Variants in SLC5A3 observed in about 807,000 individuals in gnomAD.
SLC5A3 encodes the protein solute carrier family 5 member 3.
A neutral mutation model predicts 43.2 loss-of-function variants in SLC5A3; 10 were observed. The observed-to-expected ratio is 0.23, with a 90% CI of 0.14 to 0.39. The LOEUF (loss-of-function observed/expected upper bound fraction) is 0.39. Ranked by LOEUF, SLC5A3 falls within the 10% of genes least tolerant of loss-of-function variation. The probability of loss-of-function intolerance (pLI) is 1.00; values close to 1 mark genes in which losing one functional copy is unlikely to be tolerated. For synonymous variants in SLC5A3, 349 were observed against 322.0 expected, an observed-to-expected ratio of 1.08 and a Z score of -0.90; for missense variants, 608 against 893.4, an observed-to-expected ratio of 0.68 and a Z score of 4.07.
At chr21:34,083,258 C>T (rs1281175171) in intron 1 of SLC5A3, among the ~76,000 whole-genome samples, 1 of 152,194 alleles carries the variant, frequency 6.6e-6, no homozygotes, top group African/African-American at 2.4e-5. Flanking sequence ...TGCATTTCAG[C>T]TGCTGGGAAG....
rs570018642 is a variant in SLC5A3 at position 34,100,826 on chromosome 21, C to T, written c.*3471C>T. The T allele has an allele frequency of 9.7e-5, 97 of 1,000,034 alleles. No homozygotes were observed. Among genetic ancestry groups the T allele is most frequent in the Non-Finnish European group, 8.9e-5 (74 of 829,954 alleles). The allele number at this position is 1,000,034 out of a possible 1,614,324, so 61.9% of individuals were successfully genotyped here. ...TGACTTTGAATATCATTTGGTGTGG[C>T]CTGTGGGTTATTTTCATTCTTTACC... On this transcript the variant is annotated 3_prime_UTR_variant, in exon 2 of 2. Coordinates refer to ENST00000381151, the MANE Select transcript of SLC5A3 (RefSeq NM_006933.7).
intron 1 of SLC5A3, among the ~76,000 whole-genome samples, chr21:34,082,329 T>C (rs1989477572): frequency 6.6e-6 from 1 of 152,190 alleles, no homozygotes; most frequent in Non-Finnish European, 1.5e-5. Context: ...TATGTGCATT[T>C]AGGCTAAAAT....
rs1434190201 is a variant in SLC5A3 at position 34,073,633 on chromosome 21, C to G, written c.-449C>G. The G allele has an allele frequency of 2.3e-5, 32 of 1,400,836 alleles. No homozygotes were observed. The highest frequency in any genetic ancestry group is 2.9e-5 in the Non-Finnish European group (30 of 1,026,662). 86.8% of individuals were successfully genotyped at this position (1,400,836 alleles called of 1,614,324 possible). A position where few individuals can be genotyped will look rare whatever the true frequency, so the allele number is the denominator to read the frequency against. On this transcript the variant is annotated 5_prime_UTR_variant, in exon 1 of 2. Transcript: ENST00000381151. ...GCAGTTTCTAGGTCCCCACTGTCCC[C>G]GCCGTCCCGCCCCTTCGCGTCCCGG...
rs1979241514 is a variant in SLC5A3, at chr21:34,101,622, A to G, written c.*4267A>G. The stretch of plus-strand genomic sequence containing the variant: ...CACCTAGTCTTTTCAGCACTTAGCA[A>G]ATTCAAATTTTGATTTTTTTGTCAG... On this transcript the variant is annotated 3_prime_UTR_variant, in exon 2 of 2. Coordinates refer to ENST00000381151, the MANE Select transcript of SLC5A3 (RefSeq NM_006933.7). The G allele has an allele frequency of 1.0e-6, 1 of 1,000,070 alleles. No individual in the cohort carries two copies. The highest frequency in any genetic ancestry group is 1.7e-5 in the African/African-American group (1 of 57,236). 61.9% of individuals were successfully genotyped at this position (1,000,070 alleles called of 1,614,324 possible).
Position 34,106,198 on chromosome 21 carries a change from T to C in SLC5A3, c.*8843T>C, listed in dbSNP as rs1325480699. On this transcript the variant is annotated 3_prime_UTR_variant, in exon 2 of 2. Transcript: ENST00000381151. ...GGTATTTTGTCCTGTAACTGAAGTA[T>C]AGTAATTATTTTATGGAAATGTTAG... The C allele has an allele frequency of 2.0e-6, 2 of 976,880 alleles. No homozygotes were observed. The highest frequency in any genetic ancestry group is 2.5e-6 in the Non-Finnish European group (2 of 808,580). The allele number at this position is 976,880 out of a possible 1,614,324, so 60.5% of individuals were successfully genotyped here.
At position 34,105,869 on chromosome 21, in the gene SLC5A3, G is replaced by A. The variant is rs1284470690; in HGVS notation, c.*8514G>A. ...TATTGAAAGGAGTACAGTTGAAATT[G>A]TAGATTTAAGATTGTTAAAATCATG... On this transcript the variant is annotated 3_prime_UTR_variant, in exon 2 of 2. Coordinates refer to ENST00000381151, the MANE Select transcript of SLC5A3 (RefSeq NM_006933.7). The A allele has an allele frequency of 3.0e-6, 3 of 992,080 alleles. No homozygotes were observed. Among genetic ancestry groups the A allele is most frequent in the Admixed American group, 1.2e-4 (2 of 16,254 alleles). 61.5% of individuals were successfully genotyped at this position (992,080 alleles called of 1,614,324 possible).
intron 1 of SLC5A3, among the ~76,000 whole-genome samples, chr21:34,092,677 T>G (rs1049250030): frequency 6.6e-6 from 1 of 152,232 alleles, no homozygotes; most frequent in Admixed American, 6.5e-5. Context: ...TCCCAGTGAT[T>G]GAGGAAGTGC....
In SLC5A3 at chr21:34,103,374, GT is replaced by G. The variant is rs1369992374; in HGVS notation, c.*6021del. ...TACTTTATGTGCAGCCTTTATTTAG[GT>G]TCAGTGAAACCAGGTAGTTCTGTAT... On this transcript the variant is annotated 3_prime_UTR_variant, in exon 2 of 2. Transcript: ENST00000381151. 1.0e-6 allele frequency: 1 copy of G among 996,390 alleles called. No individual in the cohort carries two copies. Among genetic ancestry groups the G allele is most frequent in the Non-Finnish European group, 1.2e-6 (1 of 828,232 alleles). The allele number at this position is 996,390 out of a possible 1,614,324, so 61.7% of individuals were successfully genotyped here.
rs1426694437 is a variant in SLC5A3, at chr21:34,097,220, C to T, written c.2022C>T (p.Leu674=). The change falls in exon 2 of 2, where the codon CTC becomes CTT. Residue 674 remains leucine (L), a synonymous_variant. Coordinates refer to ENST00000381151, the MANE Select transcript of SLC5A3 (RefSeq NM_006933.7). ...FKSKSLSKRS[L]RDLMEEEAVC... is the part of the protein sequence containing the mutation. The stretch of plus-strand genomic sequence containing the variant: ...GTAAGAGCCTCAGCAAGAGGAGTCT[C>T]AGAGACCTGATGGAAGAGGAGGCTG... The T allele has an allele frequency of 6.2e-7, 1 of 1,614,058 alleles. No individual in the cohort carries two copies. Among genetic ancestry groups the T allele is most frequent in the Non-Finnish European group, 8.5e-7 (1 of 1,179,950 alleles).
intron 1 of SLC5A3, among the ~76,000 whole-genome samples, chr21:34,081,180 A>G (rs887728805): frequency 6.6e-6 from 1 of 152,122 alleles, no homozygotes; most frequent in African/African-American, 2.4e-5. Context: ...AGGATCTTTT[A>G]AACTTTCCAC....
At position 34,097,613 on chromosome 21, in the gene SLC5A3, G is replaced by T; in HGVS notation, c.*258G>T. The stretch of plus-strand genomic sequence containing the variant: ...TAAATTTTGCATACCAAAGTAAGAA[G>T]AGACCAATTATTCTCACAGAGCACT... On this transcript the variant is annotated 3_prime_UTR_variant, in exon 2 of 2. Transcript: ENST00000381151. The T allele has an allele frequency of 2.5e-6, 3 of 1,202,006 alleles. No homozygotes were observed. The highest frequency in any genetic ancestry group is 3.1e-6 in the Non-Finnish European group (3 of 957,826). 74.5% of individuals were successfully genotyped at this position (1,202,006 alleles called of 1,614,324 possible). A position where few individuals can be genotyped will look rare whatever the true frequency, so the allele number is the denominator to read the frequency against.
chr21:34,105,265 T>C lies in SLC5A3; in HGVS notation c.*7910T>C. On this transcript the variant is annotated 3_prime_UTR_variant, in exon 2 of 2. Coordinates refer to ENST00000381151, the MANE Select transcript of SLC5A3 (RefSeq NM_006933.7). ...CCATTTTCTTTTGTCCAGACCCATG[T>C]TGGCAATCATGTATGAACTGTGTTA... 2 of 1,000,278 alleles carry C rather than the reference T, an allele frequency of 2.0e-6. No homozygotes were observed. Among genetic ancestry groups the C allele is most frequent in the Non-Finnish European group, 2.4e-6 (2 of 829,970 alleles). 62.0% of individuals were successfully genotyped at this position (1,000,278 alleles called of 1,614,324 possible).
rs1020252993 is a variant in SLC5A3 at position 34,103,575 on chromosome 21, A to G, written c.*6220A>G. The G allele has an allele frequency of 2.0e-6, 2 of 1,000,128 alleles. No homozygotes were observed. Among genetic ancestry groups the G allele is most frequent in the African/African-American group, 3.5e-5 (2 of 57,242 alleles). 62.0% of individuals were successfully genotyped at this position (1,000,128 alleles called of 1,614,324 possible). On this transcript the variant is annotated 3_prime_UTR_variant, in exon 2 of 2. Transcript: ENST00000381151. The stretch of plus-strand genomic sequence containing the variant: ...GAAAGCTAAAGTCCATAGAAAGCAC[A>G]AAATCGTGTTCACACATTAGTGTAC...
At chr21:34,074,552 G>C (rs1022721609) in intron 1 of SLC5A3, among the ~76,000 whole-genome samples, 1 of 152,212 alleles carries the variant, frequency 6.6e-6, no homozygotes, top group Non-Finnish European at 1.5e-5. Context: ...CCAAGGACAG[G>C]GGCCCGCGGC....
chr21:34,094,050 C>G (rs754303291), intron 1 of SLC5A3, among the ~76,000 whole-genome samples: 26 of 152,174 alleles, frequency 1.7e-4, no homozygotes, highest in Admixed American at 9.2e-4. Context: ...CCGTTATCCT[C>G]TCAGAGGTTG....
intron 1 of SLC5A3, among the ~76,000 whole-genome samples, chr21:34,078,200 C>T (rs1284318505): frequency 6.6e-6 from 1 of 152,046 alleles, no homozygotes. Context: ...CTTTAATAAT[C>T]TCTCTTTGTG....
rs1281582647 is a variant in SLC5A3, at chr21:34,098,629, G to A, written c.*1274G>A. 3.0e-6 allele frequency: 3 copies of A among 1,000,162 alleles called. No homozygotes were observed. In the African/African-American group the frequency reaches 5.2e-5, roughly 17 times the overall value. The allele number at this position is 1,000,162 out of a possible 1,614,324, so 62.0% of individuals were successfully genotyped here. A position where few individuals can be genotyped will look rare whatever the true frequency, so the allele number is the denominator to read the frequency against. ...GTCAATATAGTCTTTCTGTAGGATG[G>A]ATAGCATGTTTGAGAGGTGCCAAAC... On this transcript the variant is annotated 3_prime_UTR_variant, in exon 2 of 2. Coordinates refer to ENST00000381151, the MANE Select transcript of SLC5A3 (RefSeq NM_006933.7).
Position 34,097,498 on chromosome 21 carries a change from C to A in SLC5A3, c.*143C>A. Reference sequence around the variant, plus strand: ...TACTTAGCAGAAAATCATCTAATTACAAGACTTTATTTTCCCAGAGATGGA... The same window carrying A: ...TACTTAGCAGAAAATCATCTAATTAAAAGACTTTATTTTCCCAGAGATGGA... On this transcript the variant is annotated 3_prime_UTR_variant, in exon 2 of 2. Coordinates refer to ENST00000381151, the MANE Select transcript of SLC5A3 (RefSeq NM_006933.7). 1 of 1,420,962 alleles carries A rather than the reference C, an allele frequency of 7.0e-7. No homozygotes were observed. Among genetic ancestry groups the A allele is most frequent in the Non-Finnish European group, 9.2e-7 (1 of 1,085,942 alleles). The allele number at this position is 1,420,962 out of a possible 1,614,324, so 88.0% of individuals were successfully genotyped here. A position where few individuals can be genotyped will look rare whatever the true frequency, so the allele number is the denominator to read the frequency against.
At chr21:34,075,140 G>A (rs1448331180) in intron 1 of SLC5A3, among the ~76,000 whole-genome samples, 1 of 152,248 alleles carries the variant, frequency 6.6e-6, no homozygotes, top group Non-Finnish European at 1.5e-5. Flanking sequence ...TTAGGTGGAA[G>A]TTGTTTAAGC....
Sources: allele counts gnomAD v4.1 joint callset (sites outside exome capture counted in the v4.1 genomes callset), GRCh38; gene constraint gnomAD v4.1.1; transcripts MANE v1.5; gene names NCBI Gene and HGNC (gene_info 2026-07-23, HGNC 2026-07-21).